Variants in MAGI1 observed in about 807,000 individuals in gnomAD.
The protein encoded by MAGI1 is membrane-associated guanylate kinase, WW and PDZ domain-containing protein 1.
A neutral mutation model predicts 139.9 loss-of-function variants in MAGI1; 58 were observed. The observed-to-expected ratio is 0.41, with a 90% confidence interval of 0.34 to 0.52. The LOEUF (loss-of-function observed/expected upper bound fraction) is 0.52, where lower values mean the gene tolerates loss of function less well. MAGI1 is among the 20% of genes least tolerant of loss of function. The pLI, the probability that MAGI1 is intolerant of heterozygous loss-of-function variation, is 0.12. For synonymous variants in MAGI1, 812 were observed against 737.9 expected, an observed-to-expected ratio of 1.10 and a Z score of -1.63; for missense variants, 1,874 against 1,901.6, an observed-to-expected ratio of 0.99 and a Z score of 0.27.
At chr3:65,864,745 C>T (rs973183603) in intron 1 of MAGI1, among the ~76,000 whole-genome samples, 3 of 152,146 alleles carry the variant, frequency 2.0e-5, no homozygotes. Context: ...TCTTCATGGC[C>T]ATTCGACAGA....
At chr3:65,754,434 G>A (rs1006602106) in intron 1 of MAGI1, among the ~76,000 whole-genome samples, 1 of 152,148 alleles carries the variant, frequency 6.6e-6, no homozygotes, top group African/African-American at 2.4e-5. Context: ...TCACTCACTT[G>A]TTTTGGTCCC....
At chr3:65,638,445 G>A (rs1464373201) in intron 1 of MAGI1, among the ~76,000 whole-genome samples, 2 of 151,640 alleles carry the variant, frequency 1.3e-5, no homozygotes, top group African/African-American at 2.4e-5. Context: ...TAAAACTGGT[G>A]TGTTATCACC....
chr3:65,823,136 C>T (rs2042037651), intron 1 of MAGI1, among the ~76,000 whole-genome samples: 1 of 152,134 alleles, frequency 6.6e-6, no homozygotes, highest in South Asian at 2.1e-4. Flanking sequence ...TAAAATACCC[C>T]TCTTAGATGT....
At chr3:65,804,344 C>T (rs2040707543) in intron 1 of MAGI1, among the ~76,000 whole-genome samples, 1 of 150,330 alleles carries the variant, frequency 6.7e-6, no homozygotes, top group Non-Finnish European at 1.5e-5. Flanking sequence ...GATAACATCA[C>T]TGACTGGTAT....
At chr3:65,724,171 T>C (rs1159474922) in intron 1 of MAGI1, among the ~76,000 whole-genome samples, 2 of 152,240 alleles carry the variant, frequency 1.3e-5, no homozygotes, top group African/African-American at 2.4e-5. Flanking sequence ...ATGTGTTTGT[T>C]TGTATATAAA....
chr3:65,883,907 T>G (rs1020799594), intron 1 of MAGI1, among the ~76,000 whole-genome samples: 1 of 152,066 alleles, frequency 6.6e-6, no homozygotes, highest in Non-Finnish European at 1.5e-5. Context: ...TCGAAAGAAA[T>G]AAACTTTTCA....
chr3:65,893,748 C>T (rs953995654), intron 1 of MAGI1: 5 of 152,156 alleles, frequency 3.3e-5, no homozygotes, highest in South Asian at 2.1e-4. Flanking sequence ...CAAAATATAA[C>T]GGCTTAAACT....
chr3:66,005,969 G>A (rs935478423), intron 1 of MAGI1, among the ~76,000 whole-genome samples: 9 of 152,114 alleles, frequency 5.9e-5, no homozygotes, highest in African/African-American at 1.9e-4. Context: ...ACTGGGCCTC[G>A]AGTCAGTCAC....
In MAGI1 at chr3:65,797,012, AT is replaced by A. The variant is rs886608395; in HGVS notation, c.314-174925del. The stretch of plus-strand genomic sequence containing the variant: ...TCTTGGATTGAAACTAATCATCTGT[AT>A]TTTTTTTTTCCAACAGCATTTACTT... On this transcript the variant is annotated intron_variant, in intron 1 of 22. Transcript: ENST00000402939. 1.1e-4 allele frequency among the ~76,000 whole-genome samples: 16 copies of A among 150,368 alleles called. No homozygotes were observed. In the East Asian group the frequency reaches 1.4e-3, roughly 13 times the overall value.
At chr3:66,029,211 G>T (rs1367823510) in intron 1 of MAGI1, among the ~76,000 whole-genome samples, 1 of 152,152 alleles carries the variant, frequency 6.6e-6, no homozygotes, top group Non-Finnish European at 1.5e-5. Flanking sequence ...ATTGCTATTT[G>T]TGGATCATTT....
At chr3:65,845,719 C>T (rs954482279) in intron 1 of MAGI1, among the ~76,000 whole-genome samples, 4 of 152,202 alleles carry the variant, frequency 2.6e-5, no homozygotes, top group African/African-American at 9.7e-5. Flanking sequence ...TCCCATGTGG[C>T]AGCTCTTAGC....
At chr3:65,569,437 T>C (rs1324542737) in intron 2 of MAGI1, among the ~76,000 whole-genome samples, 2 of 152,188 alleles carry the variant, frequency 1.3e-5, no homozygotes, top group Non-Finnish European at 2.9e-5. Context: ...TAAATTTTTG[T>C]TATGTATATT....
intron 2 of MAGI1, among the ~76,000 whole-genome samples, chr3:65,579,438 C>G (rs184303663): frequency 6.6e-6 from 1 of 152,210 alleles, no homozygotes; most frequent in East Asian, 1.9e-4. Flanking sequence ...CACCACACTA[C>G]ACAAGTGACT....
intron 2 of MAGI1, among the ~76,000 whole-genome samples, chr3:65,528,271 A>G (rs1576195968): frequency 6.6e-6 from 1 of 152,378 alleles, no homozygotes; most frequent in East Asian, 1.9e-4. Flanking sequence ...TGCAAAATTC[A>G]TCCAATATTG....
chr3:65,815,050 C>T (rs1034170332), intron 1 of MAGI1, among the ~76,000 whole-genome samples: 5 of 152,062 alleles, frequency 3.3e-5, no homozygotes, highest in South Asian at 2.1e-4. Flanking sequence ...AGTCCTGCCT[C>T]GTACAGTTCC....
At chr3:65,849,759 G>A (rs2059142796) in intron 1 of MAGI1, among the ~76,000 whole-genome samples, 1 of 152,102 alleles carries the variant, frequency 6.6e-6, no homozygotes, top group Non-Finnish European at 1.5e-5. Context: ...TGGTTAGACT[G>A]TGTATTTTTC....
chr3:65,401,611 G>C, intron 12 of MAGI1, 141 bp from the exon 13 acceptor site: 1 of 1,550,602 alleles, frequency 6.4e-7, no homozygotes, highest in Non-Finnish European at 8.7e-7. Context: ...CCCCAGCATC[G>C]GAGTTACCAG....
rs539933698 is a variant in MAGI1 at position 65,559,667 on chromosome 3, A to T, written c.430+62305T>A. Among the ~76,000 whole-genome samples, 17 of 152,252 alleles carry T rather than the reference A, an allele frequency of 1.1e-4. No homozygotes were observed. The East Asian group carries it at 3.1e-3, about 28-fold the overall frequency. On this transcript the variant is annotated intron_variant, in intron 2 of 22. Coordinates refer to ENST00000402939, the MANE Select transcript of MAGI1 (RefSeq NM_001033057.2). ...AGGGATCGTTATTCCCTTTTTATAG[A>T]TCAGAAAGTGGAAGCCCAGAAAGGC...
At chr3:65,361,025 G>T in intron 22 of MAGI1, 174 bp downstream of exon 22, 2 of 1,485,554 alleles carry the variant, frequency 1.3e-6, no homozygotes, top group Non-Finnish European at 1.8e-6. Context: ...GCAAGCAAAA[G>T]GATGAAATGT....
Sources: allele counts gnomAD v4.1 joint callset (sites outside exome capture counted in the v4.1 genomes callset), GRCh38; gene constraint gnomAD v4.1.1; transcripts MANE v1.5; gene names NCBI Gene and HGNC (gene_info 2026-07-23, HGNC 2026-07-21).